VDAC1: variants seen among roughly 807,000 people sequenced by gnomAD.
VDAC1 encodes the protein non-selective voltage-gated ion channel VDAC1.
Under a neutral mutation model 34.7 loss-of-function variants are expected in VDAC1, and 10 were observed. That is an observed-to-expected ratio of 0.29 (90% CI 0.18 to 0.49). The LOEUF (loss-of-function observed/expected upper bound fraction) is 0.49, where lower values mean the gene tolerates loss of function less well. Among genes scored for constraint, VDAC1 ranks in the 20% least tolerant of loss-of-function variants. The probability of loss-of-function intolerance (pLI) is 0.99; values close to 1 mark genes in which losing one functional copy is unlikely to be tolerated. For missense variants in VDAC1, 230 were observed against 347.9 expected (o/e 0.66, Z 2.69); for synonymous variants, 130 against 136.0 (o/e 0.96, Z 0.30).
At chr5:133,976,062 G>C in intron 6 of VDAC1, 41 bp from the exon 7 acceptor site, 1 of 1,613,040 alleles carries the variant, frequency 6.2e-7, no homozygotes. Context: ...TTCCCAGGGA[G>C]GTGAGCTGCA....
the VDAC1 span, among the ~76,000 whole-genome samples, chr5:134,021,083 A>T: frequency 6.6e-6 from 1 of 151,572 alleles, no homozygotes; most frequent in Non-Finnish European, 1.5e-5. Flanking sequence ...TGGGAGGATC[A>T]CCTGAGCCCT....
the VDAC1 span, among the ~76,000 whole-genome samples, chr5:134,034,838 C>A: frequency 6.6e-6 from 1 of 151,818 alleles, no homozygotes; most frequent in South Asian, 2.1e-4. Context: ...TTAAAATGAA[C>A]CCTGTGGTGT....
the VDAC1 span, among the ~76,000 whole-genome samples, chr5:134,018,182 C>T: frequency 5.9e-5 from 9 of 152,282 alleles, no homozygotes; most frequent in South Asian, 1.5e-3. Context: ...TGTCTCCTAA[C>T]GAGGAAGCTT....
At chr5:134,086,457 T>A in the VDAC1 span, among the ~76,000 whole-genome samples, 1 of 152,282 alleles carries the variant, frequency 6.6e-6, no homozygotes, top group East Asian at 1.9e-4. Flanking sequence ...GCTCGGATAT[T>A]CACAAGCTCT....
At chr5:134,006,748 CA>C (rs36125439), upstream of VDAC1, among the ~76,000 whole-genome samples, 24,217 of 79,736 alleles carry the variant, frequency 0.3, 3,447 homozygotes, top group East Asian at 0.36. Flanking sequence ...CCCCCCCCCC[CA>C]AAAAAAAAAA....
the VDAC1 span, among the ~76,000 whole-genome samples, chr5:134,114,327 G>A: frequency 6.6e-6 from 1 of 152,086 alleles, no homozygotes; most frequent in Non-Finnish European, 1.5e-5. Context: ...GCCTGGGCAC[G>A]ATACAGTTCA....
upstream of VDAC1, among the ~76,000 whole-genome samples, chr5:134,007,242 CAAAAAAA>C (rs56702014): frequency 0.33 from 39,630 of 120,248 alleles, 5,511 homozygotes; most frequent in Admixed American, 0.39. Context: ...GAAACTCTGC[CAAAAAAA>C]AAAAAAAAGA....
chr5:133,981,105 C>T (rs1752679644), intron 5 of VDAC1, 149 bp from the exon 6 acceptor site: 1 of 641,140 alleles, frequency 1.6e-6, no homozygotes, highest in Non-Finnish European at 2.7e-6. Flanking sequence ...CACTGCTGTA[C>T]CACAATGAGC....
intron 2 of VDAC1, among the ~76,000 whole-genome samples, chr5:133,992,620 C>CA (rs1241493058): frequency 6.6e-6 from 1 of 152,246 alleles, no homozygotes; most frequent in Non-Finnish European, 1.5e-5. Context: ...CTGGCAAAGA[C>CA]ACAGTTACTG....
upstream of VDAC1, among the ~76,000 whole-genome samples, chr5:134,009,129 G>A (rs908488147): frequency 1.3e-5 from 2 of 151,018 alleles, no homozygotes; most frequent in Admixed American, 6.6e-5. Flanking sequence ...ACAATTCCAA[G>A]AAGCTCCAAC....
the VDAC1 span, among the ~76,000 whole-genome samples, chr5:134,028,719 C>A: frequency 2.0e-5 from 3 of 152,168 alleles, no homozygotes; most frequent in Non-Finnish European, 4.4e-5. Context: ...ACCTTGCGGC[C>A]AGCCAAACCA....
At chr5:134,055,632 G>T in the VDAC1 span, among the ~76,000 whole-genome samples, 1 of 113,740 alleles carries the variant, frequency 8.8e-6, no homozygotes, top group South Asian at 3.3e-4. Context: ...TAGAGACAGG[G>T]TTTCACCGTG....
At chr5:134,040,358 C>T in the VDAC1 span, among the ~76,000 whole-genome samples, 12 of 152,174 alleles carry the variant, frequency 7.9e-5, no homozygotes, top group African/African-American at 2.2e-4. Context: ...GGGCGGATCA[C>T]GAGGTCAGGA....
upstream of VDAC1, among the ~76,000 whole-genome samples, chr5:134,008,409 A>G (rs752799056): frequency 2.0e-5 from 3 of 152,244 alleles, no homozygotes; most frequent in Non-Finnish European, 2.9e-5. Flanking sequence ...TTCAAGAAGA[A>G]CAATGTAAAA....
At chr5:133,974,736 T>G (rs1348866350) in intron 7 of VDAC1, among the ~76,000 whole-genome samples, 1 of 152,174 alleles carries the variant, frequency 6.6e-6, no homozygotes, top group Admixed American at 6.5e-5. Context: ...GCAGATCACC[T>G]GAGGTCAGGA....
intron 6 of VDAC1, among the ~76,000 whole-genome samples, chr5:133,979,424 CTTTTTT>C (rs71581380): frequency 7.4e-5 from 6 of 81,000 alleles, no homozygotes; most frequent in East Asian, 4.1e-4. Flanking sequence ...ATTTTCTTTG[CTTTTTT>C]TTTTTTTTTT....
chr5:134,088,586 C>T, the VDAC1 span, among the ~76,000 whole-genome samples: 1 of 152,200 alleles, frequency 6.6e-6, no homozygotes, highest in Admixed American at 6.5e-5. Flanking sequence ...TTTTTGTTTT[C>T]TTAACCCTTT....
At chr5:134,014,872 A>G in the VDAC1 span, among the ~76,000 whole-genome samples, 215 of 152,328 alleles carry the variant, frequency 1.4e-3, 2 homozygotes, top group East Asian at 0.037. Context: ...TCTCAAAAAA[A>G]GAAAATAAAT....
intron 5 of VDAC1, among the ~76,000 whole-genome samples, chr5:133,986,505 T>C (rs1460401021): frequency 6.6e-6 from 1 of 152,078 alleles, no homozygotes; most frequent in South Asian, 2.1e-4. Flanking sequence ...CAAGCAATTC[T>C]CCTGCCTCAG....
Sources: gnomAD v4.1 joint callset for allele counts (sites outside exome capture counted in the v4.1 genomes callset) on GRCh38, gnomAD v4.1.1 for gene constraint, MANE v1.5 for transcripts, NCBI Gene and HGNC (gene_info 2026-07-23, HGNC 2026-07-21) for gene names.